Variants in SLC30A6 observed in about 807,000 individuals in gnomAD.
The protein encoded by SLC30A6 is zinc transporter 6.
Under a neutral mutation model 63.0 loss-of-function variants are expected in SLC30A6, and 55 were observed. That is an observed-to-expected ratio of 0.87 (90% CI 0.70 to 1.09). The LOEUF (loss-of-function observed/expected upper bound fraction) is 1.09. Ranked by LOEUF, SLC30A6 falls within the 50% of genes least tolerant of loss-of-function variation. SLC30A6 has a pLI of 0.00. For missense variants in SLC30A6, 587 were observed against 549.2 expected, an observed-to-expected ratio of 1.07 and a Z score of -0.69; for synonymous variants, 224 against 186.1, an observed-to-expected ratio of 1.20 and a Z score of -1.66.
intron 10 of SLC30A6, 101 bp from the exon 11 acceptor site, chr2:32,204,489 G>C (rs1181244812): frequency 1.6e-6 from 1 of 628,524 alleles, no homozygotes; most frequent in Non-Finnish European, 2.7e-6. Flanking sequence ...GTGTCCTGTT[G>C]CTCAGTCCTG....
chr2:32,173,926 T>C (rs1681466452), intron 2 of SLC30A6, 137 bp from the exon 3 acceptor site: 3 of 558,818 alleles, frequency 5.4e-6, no homozygotes, highest in Non-Finnish European at 9.2e-6. Context: ...TTGGTAGATG[T>C]AGAAAGTGTG....
chr2:32,193,570 A>T (rs1315889339), intron 7 of SLC30A6, among the ~76,000 whole-genome samples: 1 of 152,210 alleles, frequency 6.6e-6, no homozygotes, highest in Non-Finnish European at 1.5e-5. Context: ...TGATCAGTTT[A>T]ATTCCACAAA....
intron 13 of SLC30A6, among the ~76,000 whole-genome samples, chr2:32,212,360 T>A (rs1266722592): frequency 6.6e-6 from 1 of 152,078 alleles, no homozygotes; most frequent in Admixed American, 6.6e-5. Flanking sequence ...TCTTTTATAA[T>A]CTGTTTTATA....
At chr2:32,179,589 C>G (rs1196038338) in intron 4 of SLC30A6, among the ~76,000 whole-genome samples, 1 of 152,092 alleles carries the variant, frequency 6.6e-6, no homozygotes, top group Non-Finnish European at 1.5e-5. Context: ...TATAGGGAAC[C>G]CACTTATCTG....
At chr2:32,165,980 A>C (rs1018043359) in intron 1 of SLC30A6, 77 bp downstream of exon 1, 3 of 1,603,934 alleles carry the variant, frequency 1.9e-6, no homozygotes, top group Non-Finnish European at 2.6e-6. Flanking sequence ...GCGACCTTGA[A>C]ATCCCTCAGC....
chr2:32,174,251 A>G (rs565652434), intron 3 of SLC30A6, 104 bp downstream of exon 3: 4 of 729,496 alleles, frequency 5.5e-6, no homozygotes, highest in Non-Finnish European at 8.5e-6. Context: ...TGAAATGTAT[A>G]TAACTCAAAT....
chr2:32,202,108 C>T (rs983018879), intron 10 of SLC30A6: 1 of 750,296 alleles, frequency 1.3e-6, no homozygotes, highest in Admixed American at 2.5e-5. Flanking sequence ...AACACATGAA[C>T]AGAAAGAAGG....
At chr2:32,193,733 G>A (rs970654750) in intron 7 of SLC30A6, among the ~76,000 whole-genome samples, 156 bp from the exon 8 acceptor site, 2 of 152,120 alleles carry the variant, frequency 1.3e-5, no homozygotes, top group Non-Finnish European at 2.9e-5. Flanking sequence ...TGGGTGATGG[G>A]GCTAGTAACT....
intron 1 of SLC30A6, among the ~76,000 whole-genome samples, chr2:32,167,210 G>A (rs1680754704): frequency 6.6e-6 from 1 of 151,990 alleles, no homozygotes; most frequent in Non-Finnish European, 1.5e-5. Flanking sequence ...CGAGCAGCTG[G>A]GATTACAGGA....
chr2:32,186,472 G>A (rs559632120), intron 5 of SLC30A6, among the ~76,000 whole-genome samples: 73 of 152,300 alleles, frequency 4.8e-4, no homozygotes, highest in African/African-American at 1.6e-3. Context: ...GATCACCTGA[G>A]GTCAGGAGTT....
In SLC30A6 at chr2:32,223,023, C is replaced by G. The variant is rs1686225470; in HGVS notation, c.*2310C>G. 1 of 152,226 alleles carries G rather than the reference C, an allele frequency of 6.6e-6. No homozygotes were observed. Among genetic ancestry groups the G allele is most frequent in the Non-Finnish European group, 1.5e-5 (1 of 68,042 alleles). The allele number at this position is 152,226 out of a possible 1,614,324, so 9.4% of individuals were successfully genotyped here. A position where few individuals can be genotyped will look rare whatever the true frequency, so the allele number is the denominator to read the frequency against. Reference sequence around the variant, plus strand: ...AAAGGTGCTTTAATACCTACCTTCACTATTTGAGAAAGGACACTCACAGTT... The same window carrying G: ...AAAGGTGCTTTAATACCTACCTTCAGTATTTGAGAAAGGACACTCACAGTT... On this transcript the variant is annotated 3_prime_UTR_variant, in exon 14 of 14. Transcript: ENST00000282587.
At chr2:32,203,854 C>A in intron 10 of SLC30A6, 1 of 1,250,260 alleles carries the variant, frequency 8.0e-7, no homozygotes, top group African/African-American at 1.5e-5. Context: ...GTCAAGTGGC[C>A]AGTCGGGCCG....
chr2:32,174,741 A>G (rs907345736), intron 3 of SLC30A6, among the ~76,000 whole-genome samples: 1 of 150,150 alleles, frequency 6.7e-6, no homozygotes, highest in African/African-American at 2.5e-5. Context: ...TTTGGTAGAG[A>G]TGGGGTTTCA....
At chr2:32,182,927 A>G (rs1373458371) in intron 4 of SLC30A6, among the ~76,000 whole-genome samples, 1 of 152,048 alleles carries the variant, frequency 6.6e-6, no homozygotes, top group Non-Finnish European at 1.5e-5. Context: ...GGTGCCTCAC[A>G]CCTGTAATCC....
chr2:32,171,629 C>A (rs138182293), intron 2 of SLC30A6, among the ~76,000 whole-genome samples: 290 of 151,214 alleles, frequency 1.9e-3, no homozygotes, highest in African/African-American at 6.8e-3. Context: ...TTTGTGGTTG[C>A]TTTTTGTTAT....
rs891526051 is a variant in SLC30A6, at chr2:32,224,326, A to G, written c.*3613A>G. 6.7e-6 allele frequency: 4 copies of G among 598,234 alleles called. No homozygotes were observed. Among genetic ancestry groups the G allele is most frequent in the African/African-American group, 1.9e-5 (1 of 53,628 alleles). 37.1% of individuals were successfully genotyped at this position (598,234 alleles called of 1,614,324 possible). ...ATAATCCTAGTAGGAGAGCTAAGAC[A>G]CAAAACTGTTGCATGTTTTTAATCA... On this transcript the variant is annotated 3_prime_UTR_variant, in exon 14 of 14. Coordinates refer to ENST00000282587, the MANE Select transcript of SLC30A6 (RefSeq NM_017964.5).
At chr2:32,192,895 T>A in intron 6 of SLC30A6, 23 bp from the exon 7 acceptor site, 1 of 1,426,758 alleles carries the variant, frequency 7.0e-7, no homozygotes, top group Non-Finnish European at 9.5e-7. Flanking sequence ...AGGACTTATT[T>A]AATATATTTT....
intron 11 of SLC30A6, among the ~76,000 whole-genome samples, chr2:32,205,470 T>G (rs1684674769): frequency 6.6e-6 from 1 of 151,884 alleles, no homozygotes; most frequent in Non-Finnish European, 1.5e-5. Context: ...ACAGTACAGA[T>G]TGTGAAATTT....
chr2:32,215,518 T>TATATATATATATATATATATA (rs66665816), intron 13 of SLC30A6, among the ~76,000 whole-genome samples: 1 of 93,274 alleles, frequency 1.1e-5, no homozygotes, highest in African/African-American at 4.8e-5. Context: ...ATATATATAT[T>TATATATATATATATATATATA]TTTTTTTTTT....
Sources: gnomAD v4.1 joint callset for allele counts (sites outside exome capture counted in the v4.1 genomes callset) on GRCh38, gnomAD v4.1.1 for gene constraint, MANE v1.5 for transcripts, NCBI Gene and HGNC (gene_info 2026-07-23, HGNC 2026-07-21) for gene names.